The following PLA2G4E variants were observed in gnomAD, a reference collection of about 807,000 sequenced individuals.
PLA2G4E encodes phospholipase A2 group IVE.
PLA2G4E carries 84 observed loss-of-function variants against 109.1 expected under a neutral mutation model. That is an observed-to-expected ratio of 0.77 (90% CI 0.65 to 0.92). The LOEUF (loss-of-function observed/expected upper bound fraction) is 0.92, where lower values mean the gene tolerates loss of function less well. PLA2G4E is among the 40% of genes least tolerant of loss of function. PLA2G4E has a pLI of 0.00. For synonymous variants in PLA2G4E, 469 were observed against 436.1 expected, an observed-to-expected ratio of 1.08 and a Z score of -0.94; for missense variants, 1,057 against 1,076.6, an observed-to-expected ratio of 0.98 and a Z score of 0.25.
intron 2 of PLA2G4E, chr15:42,010,109 C>G: frequency 1.9e-6 from 1 of 515,228 alleles, no homozygotes; most frequent in Admixed American, 2.0e-5. Context: ...TTGAACCCTT[C>G]CCTTGGCTTT....
At chr15:42,042,823 C>T (rs1437074921) in intron 1 of PLA2G4E, among the ~76,000 whole-genome samples, 1 of 152,128 alleles carries the variant, frequency 6.6e-6, no homozygotes, top group Admixed American at 6.5e-5. Flanking sequence ...AGCCGTGGCT[C>T]ACTGAAAATG....
chr15:42,007,685 T>A (rs2068490315), intron 3 of PLA2G4E, 44 bp downstream of exon 3: 1 of 1,588,668 alleles, frequency 6.3e-7, no homozygotes, highest in African/African-American at 1.3e-5. Context: ...AAGAGGGGAG[T>A]AAAATGCAGA....
chr15:42,002,600 G>A (rs531760875), intron 6 of PLA2G4E, 54 bp downstream of exon 6: 215 of 1,515,928 alleles, frequency 1.4e-4, no homozygotes, highest in Admixed American at 9.1e-4. Flanking sequence ...GTTCCCCTGA[G>A]AGCAGCAGCC....
chr15:42,030,289 C>T (rs1889089549), intron 1 of PLA2G4E, among the ~76,000 whole-genome samples: 1 of 152,196 alleles, frequency 6.6e-6, no homozygotes. Context: ...ACAAGTGACT[C>T]TCAGCACTGT....
rs370101952 is a variant in PLA2G4E at position 42,002,614 on chromosome 15, C to T, written c.609+40G>A. 135 of 1,550,674 alleles carry T rather than the reference C, an allele frequency of 8.7e-5. 1 individual carries two copies. In the East Asian group the frequency reaches 1.1e-3, roughly 12 times the overall value. On this transcript the variant is annotated intron_variant, in intron 6 of 19. Transcript: ENST00000399518. The stretch of plus-strand genomic sequence containing the variant: ...TGTTCCCCTGAGAGCAGCAGCCAGC[C>T]GTGGCCTCTGGAGCTACAGGAACCC...
rs191548286 is a variant in PLA2G4E at position 42,002,884 on chromosome 15, C to T, written c.567-188G>A. ...GGAGGAAACTGGCCTACATTTGAAA[C>T]AGAATGTCCAGGAAAAAAATAGATT... On this transcript the variant is annotated intron_variant, in intron 5 of 19. Transcript: ENST00000399518. Among the ~76,000 whole-genome samples the T allele has an allele frequency of 9.9e-5, 15 of 152,280 alleles. No homozygotes were observed. The East Asian group carries it at 2.5e-3, about 25-fold the overall frequency.
intron 1 of PLA2G4E, among the ~76,000 whole-genome samples, chr15:42,031,259 G>A (rs79780549): frequency 0.019 from 2,817 of 152,236 alleles, 102 homozygotes; most frequent in African/African-American, 0.065. Context: ...ATGAGCCACC[G>A]CACACAGTCA....
At chr15:42,010,360 C>A in intron 2 of PLA2G4E, 1 of 317,862 alleles carries the variant, frequency 3.1e-6, no homozygotes, top group South Asian at 3.3e-5. Flanking sequence ...TATTTTTGGC[C>A]TAAGGCTTAA....
intron 17 of PLA2G4E, 127 bp from the exon 18 acceptor site, chr15:41,986,132 G>A (rs1212735876): frequency 3.3e-6 from 3 of 903,528 alleles, no homozygotes; most frequent in Non-Finnish European, 5.0e-6. Flanking sequence ...GACGCCCACT[G>A]AGTTCCAGTG....
chr15:42,044,323 A>G (rs1005934684), intron 1 of PLA2G4E, among the ~76,000 whole-genome samples: 5 of 152,162 alleles, frequency 3.3e-5, no homozygotes, highest in Admixed American at 1.3e-4. Flanking sequence ...GGTTAGCTAC[A>G]TGCGGGCTGT....
At chr15:41,998,219 T>A (rs1375551652) in intron 10 of PLA2G4E, 1 of 152,260 alleles carries the variant, frequency 6.6e-6, no homozygotes, top group African/African-American at 2.4e-5. Flanking sequence ...AGGCTGGGCC[T>A]AGGAGATTTC....
At chr15:41,982,375 A>G (rs781542598) in exon 20 of PLA2G4E, 12 of 152,130 alleles carry the variant, frequency 7.9e-5, no homozygotes, top group Non-Finnish European at 1.5e-4. Context: ...CCAGAGATTC[A>G]TTAGGAAGCA....
At chr15:42,036,553 A>G (rs1232939993) in intron 1 of PLA2G4E, among the ~76,000 whole-genome samples, 1 of 151,848 alleles carries the variant, frequency 6.6e-6, no homozygotes, top group Admixed American at 6.5e-5. Context: ...CCCCAGGTCC[A>G]CCCTGCATCT....
At chr15:42,016,490 C>T (rs2068596631) in intron 1 of PLA2G4E, among the ~76,000 whole-genome samples, 1 of 152,024 alleles carries the variant, frequency 6.6e-6, no homozygotes, top group Admixed American at 6.6e-5. Flanking sequence ...GTGCTCACGA[C>T]CACGCCCGGC....
chr15:41,988,408 C>A (rs2068185865), intron 15 of PLA2G4E, among the ~76,000 whole-genome samples: 1 of 152,138 alleles, frequency 6.6e-6, no homozygotes, highest in Non-Finnish European at 1.5e-5. Flanking sequence ...AAGGCACAGC[C>A]CCGGCAGGGA....
chr15:42,037,489 G>C (rs1889238282), intron 1 of PLA2G4E, among the ~76,000 whole-genome samples: 1 of 152,228 alleles, frequency 6.6e-6, no homozygotes, highest in South Asian at 2.1e-4. Context: ...TCTCCTCTGA[G>C]CTGTTCTATT....
chr15:41,993,042 C>A, intron 12 of PLA2G4E, 83 bp from the exon 13 acceptor site: 1 of 1,296,942 alleles, frequency 7.7e-7, no homozygotes, highest in Admixed American at 2.2e-5. Flanking sequence ...GGAAGGTGGG[C>A]AGGCCATTGA....
At chr15:42,027,820 A>C (rs2068705352) in intron 1 of PLA2G4E, among the ~76,000 whole-genome samples, 1 of 113,984 alleles carries the variant, frequency 8.8e-6, no homozygotes, top group Non-Finnish European at 1.9e-5. Context: ...GCTCTATCTC[A>C]TCCATCACAG....
chr15:41,993,185 G>A (rs1049136597), intron 12 of PLA2G4E, among the ~76,000 whole-genome samples: 1 of 152,214 alleles, frequency 6.6e-6, no homozygotes, highest in Non-Finnish European at 1.5e-5. Flanking sequence ...TGCCCACTGT[G>A]TGCCAGGCAT....
Sources: gnomAD v4.1 joint callset for allele counts (sites outside exome capture counted in the v4.1 genomes callset) on GRCh38, gnomAD v4.1.1 for gene constraint, MANE v1.5 for transcripts, NCBI Gene and HGNC (gene_info 2026-07-23, HGNC 2026-07-21) for gene names.